The following BAHCC1 variants were observed in gnomAD, a reference collection of about 807,000 sequenced individuals.
BAHCC1 encodes BAH and coiled-coil domain-containing protein 1.
In BAHCC1, 43 loss-of-function variants were observed where a neutral mutation model predicts 88.2. The observed-to-expected ratio is 0.49, with a 90% CI of 0.38 to 0.63. BAHCC1 has a LOEUF of 0.63. Ranked by LOEUF, BAHCC1 falls within the 20% of genes least tolerant of loss-of-function variation. The pLI is 0.00. For missense variants in BAHCC1, 3,023 were observed against 1,654.8 expected (o/e 1.83, Z -14.34); for synonymous variants, 1,510 against 745.5 (o/e 2.03, Z -16.71).
At chr17:81,452,446 C>T (rs1488876797) in intron 13 of BAHCC1, among the ~76,000 whole-genome samples, 2 of 122,448 alleles carry the variant, frequency 1.6e-5, no homozygotes, top group African/African-American at 3.2e-5. Context: ...GGGGCCAGGG[C>T]AGAAGTTGGG....
At chr17:81,460,134 G>C (rs2030116525) in intron 23 of BAHCC1, 143 bp from the exon 24 acceptor site, 1 of 622,136 alleles carries the variant, frequency 1.6e-6, no homozygotes, top group African/African-American at 1.8e-5. Flanking sequence ...CTGGGCTGCA[G>C]GGCGGCTCCA....
At position 81,445,581 on chromosome 17, in the gene BAHCC1, C is replaced by G; in HGVS notation, c.3063C>G (p.Cys1021Trp). Residue 1021 changes from cysteine to tryptophan, a missense_variant, in exon 10 of 28, where the codon TGC (cysteine) becomes TGG (tryptophan). Transcript: ENST00000675386. ...RPSAPCTLNV[C>W]PASSPGPGSR... ...GCGCCCCGTGCACTTTAAATGTCTG[C>G]CCTGCCAGCAGCCCCGGGCCTGGCT... 2 of 725,102 alleles carry G rather than the reference C, an allele frequency of 2.8e-6. No individual in the cohort carries two copies. The highest frequency in any genetic ancestry group is 5.1e-6 in the Non-Finnish European group (2 of 390,112). 44.9% of individuals were successfully genotyped at this position (725,102 alleles called of 1,614,324 possible). A position where few individuals can be genotyped will look rare whatever the true frequency, so the allele number is the denominator to read the frequency against.
Position 81,413,683 on chromosome 17 carries a change from G to A in BAHCC1, c.179-13117G>A, listed in dbSNP as rs370054728. Reference sequence around the variant, plus strand: ...TGCAGCAAGGTCCCAGGGCCCATGCGGGAGGCAGCCCGCTCGGACCACCTG... The same window carrying A: ...TGCAGCAAGGTCCCAGGGCCCATGCAGGAGGCAGCCCGCTCGGACCACCTG... On this transcript the variant is annotated intron_variant, in intron 2 of 27. Coordinates refer to ENST00000675386, the MANE Select transcript of BAHCC1 (RefSeq NM_001377448.1). Among the ~76,000 whole-genome samples the A allele has an allele frequency of 9.6e-4, 146 of 152,346 alleles. 2 individuals carry two copies. The South Asian group carries it at 0.015, about 16-fold the overall frequency.
intron 2 of BAHCC1, among the ~76,000 whole-genome samples, chr17:81,413,428 C>T (rs2063980460): frequency 6.6e-6 from 1 of 152,198 alleles, no homozygotes; most frequent in Non-Finnish European, 1.5e-5. Context: ...TCCCTCACCC[C>T]TCTTCCTCCC....
At chr17:81,422,758 T>A (rs2064130164) in intron 2 of BAHCC1, 3 of 440,516 alleles carry the variant, frequency 6.8e-6, no homozygotes, top group South Asian at 4.7e-5. Flanking sequence ...AAATCCCTTC[T>A]CCAGACCCAA....
rs2064750749 is a variant in BAHCC1 at position 81,456,422 on chromosome 17, G to A, written c.4695G>A (p.Gln1565=). The change falls in exon 16 of 28, where the codon CAG becomes CAA. Residue 1565 remains glutamine, a synonymous_variant. Coordinates refer to ENST00000675386, the MANE Select transcript of BAHCC1 (RefSeq NM_001377448.1). Reference sequence around the variant, plus strand: ...TGCCCACAGGCCTCAGCTCTTTCCAGCAGAAGGAGGCTACCCCCGGGGGGC... The same window carrying A: ...TGCCCACAGGCCTCAGCTCTTTCCAACAGAAGGAGGCTACCCCCGGGGGGC... ...KGLPTGLSSF[Q]QKEATPGGRI... The A allele has an allele frequency of 1.4e-6, 1 of 722,354 alleles. No individual in the cohort carries two copies. Among genetic ancestry groups the A allele is most frequent in the South Asian group, 1.5e-5 (1 of 67,864 alleles). 44.7% of individuals were successfully genotyped at this position (722,354 alleles called of 1,614,324 possible).
Position 81,442,465 on chromosome 17 carries a change from C to T in BAHCC1, c.1116C>T (p.Gly372=), listed in dbSNP as rs1555652830. The T allele has an allele frequency of 1.4e-6, 1 of 717,948 alleles. No homozygotes were observed. 44.5% of individuals were successfully genotyped at this position (717,948 alleles called of 1,614,324 possible). The part of the protein sequence containing the change: ...GSFPCLQLHG[G]PDGLCPLQDK... ...TCCCCTGCCTGCAGCTGCACGGGGG[C>T]CCTGACGGGCTCTGCCCGCTGCAGG... is the stretch of plus-strand genomic sequence containing the variant. The change falls in exon 5 of 28, where the codon GGC becomes GGT. Residue 372 remains glycine (G), a synonymous_variant. Coordinates refer to ENST00000675386, the MANE Select transcript of BAHCC1 (RefSeq NM_001377448.1).
intron 26 of BAHCC1, 83 bp downstream of exon 26, chr17:81,462,129 T>C: frequency 1.6e-6 from 1 of 632,546 alleles, no homozygotes; most frequent in Non-Finnish European, 2.8e-6. Context: ...CCCTTCCCTC[T>C]CCTTTTTCAT....
At chr17:81,460,136 G>A (rs540026658) in intron 23 of BAHCC1, 141 bp from the exon 24 acceptor site, 23 of 622,912 alleles carry the variant, frequency 3.7e-5, no homozygotes, top group South Asian at 3.1e-4. Flanking sequence ...GGGCTGCAGG[G>A]CGGCTCCACT....
rs781975153 is a variant in BAHCC1 at position 81,447,502 on chromosome 17, G to T, written c.3630G>T (p.Pro1210=). The change falls in exon 11 of 28, where the codon CCG becomes CCT. Residue 1210 remains proline (P), a synonymous_variant. Transcript: ENST00000675386. ...TCCTGGAGCAGCGAGCAGGGAGTCCGGGTGCCCTTGAGGACGAGGGGGAGC... is the reference window on the plus strand; with the variant it reads ...TCCTGGAGCAGCGAGCAGGGAGTCCTGGTGCCCTTGAGGACGAGGGGGAGC... ...SQVLEQRAGS[P]GALEDEGEQP... is the part of the protein sequence containing the mutation. 2 of 747,010 alleles carry T rather than the reference G, an allele frequency of 2.7e-6. No homozygotes were observed. The highest frequency in any genetic ancestry group is 5.0e-6 in the Non-Finnish European group (2 of 401,928). 46.3% of individuals were successfully genotyped at this position (747,010 alleles called of 1,614,324 possible).
At chr17:81,456,195 A>T in intron 15 of BAHCC1, 102 bp from the exon 16 acceptor site, 2 of 630,786 alleles carry the variant, frequency 3.2e-6, no homozygotes, top group Non-Finnish European at 5.7e-6. Context: ...GCCTCGAGGT[A>T]CCAGTTCTGA....
Position 81,461,714 on chromosome 17 carries a change from G to C in BAHCC1, c.7051G>C (p.Asp2351His). Residue 2351 changes from aspartate (D) to histidine (H), a missense_variant, in exon 26 of 28, where the codon GAC (aspartate) becomes CAC (histidine). Asp to His is a moderately conservative substitution (Grantham distance 81, BLOSUM62 -1). Transcript: ENST00000675386. ...CGAGGACTCGTCCTACAGCTCAGAC[G>C]ACGAGGACCCGGCTCTGCTGCTGCA... ...DNEDSSYSSDDEDPALLLQTC... is the reference protein window; with the variant it reads ...DNEDSSYSSDHEDPALLLQTC... 1 of 719,148 alleles carries C rather than the reference G, an allele frequency of 1.4e-6. No individual in the cohort carries two copies. Among genetic ancestry groups the C allele is most frequent in the Non-Finnish European group, 2.6e-6 (1 of 386,020 alleles). 44.5% of individuals were successfully genotyped at this position (719,148 alleles called of 1,614,324 possible).
chr17:81,409,770 C>T (rs750077520), intron 2 of BAHCC1, among the ~76,000 whole-genome samples: 3 of 152,182 alleles, frequency 2.0e-5, no homozygotes, highest in African/African-American at 4.8e-5. Flanking sequence ...ATCCACAGGC[C>T]GGCCCTGCAA....
rs2064502586 is a variant in BAHCC1, at chr17:81,445,238, G to T, written c.2835+60G>T. Reference sequence around the variant, plus strand: ...ACTTCTCCCCAACCCTGCCTGGCCGGACCTGGCTCCAGGAGACCCCTGCAT... The same window carrying T: ...ACTTCTCCCCAACCCTGCCTGGCCGTACCTGGCTCCAGGAGACCCCTGCAT... On this transcript the variant is annotated intron_variant, in intron 9 of 27. Transcript: ENST00000675386. 3 of 724,100 alleles carry T rather than the reference G, an allele frequency of 4.1e-6. No individual in the cohort carries two copies. The Admixed American group carries it at 6.0e-5, about 14-fold the overall frequency. 44.9% of individuals were successfully genotyped at this position (724,100 alleles called of 1,614,324 possible). A position where few individuals can be genotyped will look rare whatever the true frequency, so the allele number is the denominator to read the frequency against.
Position 81,456,415 on chromosome 17 carries a change from C to G in BAHCC1, c.4688C>G (p.Ser1563Cys), listed in dbSNP as rs933680971. ...KSKGLPTGLS[S>C]FQQKEATPGG... ...AAAGGGCTGCCCACAGGCCTCAGCT[C>G]TTTCCAGCAGAAGGAGGCTACCCCC... The change falls in exon 16 of 28, where the codon TCT (serine) becomes TGT (cysteine). Residue 1563 changes from serine to cysteine, a missense_variant. Coordinates refer to ENST00000675386, the MANE Select transcript of BAHCC1 (RefSeq NM_001377448.1). 4 of 722,234 alleles carry G rather than the reference C, an allele frequency of 5.5e-6. No individual in the cohort carries two copies. The highest frequency in any genetic ancestry group is 1.5e-5 in the South Asian group (1 of 67,852). 44.7% of individuals were successfully genotyped at this position (722,234 alleles called of 1,614,324 possible).
chr17:81,421,573 A>C (rs2064116139), intron 2 of BAHCC1, among the ~76,000 whole-genome samples: 1 of 152,174 alleles, frequency 6.6e-6, no homozygotes, highest in African/African-American at 2.4e-5. Flanking sequence ...GGGCCTGCAG[A>C]ATCTGCTTCC....
At position 81,432,056 on chromosome 17, in the gene BAHCC1, A is replaced by G. The variant is rs1377746907; in HGVS notation, c.358+5077A>G. On this transcript the variant is annotated intron_variant, in intron 3 of 27. Coordinates refer to ENST00000675386, the MANE Select transcript of BAHCC1 (RefSeq NM_001377448.1). ...CCAGAGCTGTCTTAGCTTCGAGTTC[A>G]TATGCCCAGCCTCAGTTTCTCTATC... 4.6e-5 allele frequency among the ~76,000 whole-genome samples: 7 copies of G among 152,288 alleles called. 1 individual carries two copies. Among genetic ancestry groups the G allele is most frequent in the African/African-American group, 1.7e-4 (7 of 41,554 alleles).
intron 1 of BAHCC1, chr17:81,397,190 C>T (rs940912819): frequency 2.6e-5 from 4 of 152,210 alleles, no homozygotes; most frequent in African/African-American, 7.2e-5. Context: ...CCAATCCGGT[C>T]AGAGCCGTGG....
intron 2 of BAHCC1, among the ~76,000 whole-genome samples, chr17:81,405,583 CTG>C (rs1342022966): frequency 6.6e-6 from 1 of 152,150 alleles, no homozygotes; most frequent in East Asian, 1.9e-4. Flanking sequence ...GCTCCAGGGT[CTG>C]AGCCCGAGAC....
Sources: allele counts gnomAD v4.1 joint callset (sites outside exome capture counted in the v4.1 genomes callset), GRCh38; gene constraint gnomAD v4.1.1; transcripts MANE v1.5; gene names NCBI Gene and HGNC (gene_info 2026-07-23, HGNC 2026-07-21).